The following CFI variants were observed in gnomAD, a reference collection of about 807,000 sequenced individuals.
CFI encodes the protein C3B/C4B inactivator.
In CFI, 66 loss-of-function variants were observed where a neutral mutation model predicts 78.8. The ratio of observed to expected loss-of-function variants is 0.84; its 90% CI spans 0.69 to 1.03. CFI has a LOEUF of 1.03. Among genes scored for constraint, CFI ranks in the 50% least tolerant of loss-of-function variants. The probability of loss-of-function intolerance (pLI) is 0.00; values close to 1 mark genes in which losing one functional copy is unlikely to be tolerated. For missense variants in CFI, 706 were observed against 704.5 expected, an observed-to-expected ratio of 1.00 and a Z score of -0.02; for synonymous variants, 250 against 232.6, an observed-to-expected ratio of 1.07 and a Z score of -0.68.
intron 7 of CFI, 45 bp from the exon 8 acceptor site, chr4:109,752,548 A>G: frequency 6.6e-7 from 1 of 1,504,764 alleles, no homozygotes; most frequent in Non-Finnish European, 9.2e-7. Context: ...TGTTAATTAT[A>G]GTCAAAATGA....
At chr4:109,793,599 C>T (rs2125867922) in intron 1 of CFI, 1 of 152,320 alleles carries the variant, frequency 6.6e-6, no homozygotes, top group East Asian at 1.9e-4. Context: ...GTAGTCAGAG[C>T]TCACTGCAGT....
At chr4:109,798,479 A>T (rs1049497700) in intron 1 of CFI, among the ~76,000 whole-genome samples, 1 of 150,650 alleles carries the variant, frequency 6.6e-6, no homozygotes, top group Non-Finnish European at 1.5e-5. Context: ...TGTAGAGTTT[A>T]TTATATGTCA....
At chr4:109,774,958 C>T (rs2125832643) in intron 1 of CFI, among the ~76,000 whole-genome samples, 1 of 152,250 alleles carries the variant, frequency 6.6e-6, no homozygotes, top group South Asian at 2.1e-4. Context: ...CTTCTTAGCA[C>T]TGCCTTTCCT....
intron 1 of CFI, among the ~76,000 whole-genome samples, chr4:109,792,554 C>A (rs1731516471): frequency 6.6e-6 from 1 of 151,664 alleles, no homozygotes; most frequent in African/African-American, 2.4e-5. Context: ...GACTCCATCT[C>A]AAAAACAAAA....
intron 1 of CFI, among the ~76,000 whole-genome samples, chr4:109,792,504 G>A (rs1420896171): frequency 1.3e-5 from 2 of 152,042 alleles, no homozygotes; most frequent in Admixed American, 6.6e-5. Context: ...TGAATCAGCT[G>A]CAGTGAGCCG....
At chr4:109,739,298 G>T (rs190939629), downstream of CFI, among the ~76,000 whole-genome samples, 159 of 151,562 alleles carry the variant, frequency 1.0e-3, no homozygotes, top group Middle Eastern at 6.8e-3. Context: ...AAAAAGAGTA[G>T]CTAATGTTTA....
chr4:109,766,826 T>A lies in CFI; in HGVS notation c.58-2A>T, dbSNP rs1181474724. The A allele has an allele frequency of 6.2e-7, 1 of 1,614,058 alleles. No homozygotes were observed. Among genetic ancestry groups the A allele is most frequent in the Non-Finnish European group, 8.5e-7 (1 of 1,180,000 alleles). ...ATCCTCTTGAGATGTATAAGTGACC[T>A]GTAAAATGCAAAATAAACATTAACT... is the stretch of plus-strand genomic sequence containing the variant. On this transcript the variant is annotated splice_acceptor_variant, in intron 1 of 12. Transcript: ENST00000394634. LOFTEE classifies it high-confidence loss of function.
At chr4:109,797,232 T>C (rs899967964) in intron 1 of CFI, among the ~76,000 whole-genome samples, 8 of 152,126 alleles carry the variant, frequency 5.3e-5, no homozygotes, top group South Asian at 4.1e-4. Flanking sequence ...AACAGACATA[T>C]AGATTCATGG....
At chr4:109,738,661 C>T (rs561986699), downstream of CFI, among the ~76,000 whole-genome samples, 5 of 152,240 alleles carry the variant, frequency 3.3e-5, no homozygotes, top group East Asian at 1.9e-4. Flanking sequence ...GGAGGCTCAT[C>T]GGCTGCTATG....
At chr4:109,791,992 T>C (rs1224042488) in intron 1 of CFI, among the ~76,000 whole-genome samples, 1 of 152,208 alleles carries the variant, frequency 6.6e-6, no homozygotes, top group African/African-American at 2.4e-5. Flanking sequence ...CTTTCTGTTA[T>C]TGGTTTCCAG....
chr4:109,734,366 C>T, the CFI span, among the ~76,000 whole-genome samples: 2 of 152,158 alleles, frequency 1.3e-5, no homozygotes, highest in Non-Finnish European at 2.9e-5. Flanking sequence ...CAGAACCACC[C>T]ATTCTGCTGA....
intron 1 of CFI, among the ~76,000 whole-genome samples, chr4:109,775,238 C>A (rs1458279967): frequency 6.6e-6 from 1 of 152,160 alleles, no homozygotes; most frequent in Non-Finnish European, 1.5e-5. Context: ...TCAGGGAATT[C>A]CCTTTTCCAG....
Position 109,761,537 on chromosome 4 carries a change from A to T in CFI, c.638T>A (p.Val213Asp). The T allele has an allele frequency of 6.2e-7, 1 of 1,614,170 alleles. No homozygotes were observed. The highest frequency in any genetic ancestry group is 8.5e-7 in the Non-Finnish European group (1 of 1,180,022). Residue 213 changes from valine to aspartate, a missense_variant, in exon 4 of 13, where the codon GTT becomes GAT. Coordinates refer to ENST00000394634, the MANE Select transcript of CFI (RefSeq NM_000204.5). The stretch of plus-strand genomic sequence containing the variant: ...CCAACCTGCTTTCTGTGTATAACAA[A>T]CCACATCAGCGAAATCCTGGTAACC... ...TMGYQDFADV[V>D]CYTQKADSPM...
chr4:109,756,386 T>G (rs1726145192), intron 7 of CFI, among the ~76,000 whole-genome samples: 2 of 71,738 alleles, frequency 2.8e-5, no homozygotes, highest in African/African-American at 3.5e-5. Context: ...AGGGAAGAGA[T>G]GGAAGAAGAA....
intron 1 of CFI, among the ~76,000 whole-genome samples, chr4:109,785,003 T>C (rs1264739887): frequency 2.0e-5 from 3 of 152,108 alleles, no homozygotes; most frequent in Admixed American, 6.6e-5. Context: ...GATAATGTAC[T>C]TTGTGATATT....
At chr4:109,752,333 A>C (rs1402522145) in intron 8 of CFI, 135 bp downstream of exon 8, 2 of 752,254 alleles carry the variant, frequency 2.7e-6, no homozygotes, top group Middle Eastern at 2.8e-4. Flanking sequence ...AAAGGAGAAT[A>C]ATAATGTTAT....
At chr4:109,783,815 A>G (rs1730377655) in intron 1 of CFI, among the ~76,000 whole-genome samples, 1 of 121,068 alleles carries the variant, frequency 8.3e-6, no homozygotes, top group East Asian at 2.1e-4. Flanking sequence ...AAACTGTGAT[A>G]TATATATATA....
chr4:109,766,457 T>C, intron 2 of CFI, 97 bp downstream of exon 2: 1 of 1,456,846 alleles, frequency 6.9e-7, no homozygotes, highest in Admixed American at 1.7e-5. Flanking sequence ...TGAGTTGTCA[T>C]CATAACATAC....
chr4:109,784,285 G>A (rs1250156880), intron 1 of CFI, among the ~76,000 whole-genome samples: 6 of 152,080 alleles, frequency 3.9e-5, no homozygotes. Flanking sequence ...GGAAAACCAA[G>A]CCTAATTACA....
Sources: allele counts gnomAD v4.1 joint callset (sites outside exome capture counted in the v4.1 genomes callset), GRCh38; gene constraint gnomAD v4.1.1; transcripts MANE v1.5; gene names NCBI Gene and HGNC (gene_info 2026-07-23, HGNC 2026-07-21).